The following MOCS1 variants were observed in gnomAD, a reference collection of about 807,000 sequenced individuals.
MOCS1 encodes molybdenum cofactor synthesis 1, also known as molybdenum cofactor biosynthesis protein 1.
MOCS1 carries 39 observed loss-of-function variants against 57.6 expected under a neutral mutation model. The observed-to-expected ratio is 0.68, with a 90% confidence interval of 0.52 to 0.88. The LOEUF (loss-of-function observed/expected upper bound fraction) is 0.88. Among genes scored for constraint, MOCS1 ranks in the 40% least tolerant of loss-of-function variants. The probability of loss-of-function intolerance (pLI) is 0.00; values close to 1 mark genes in which losing one functional copy is unlikely to be tolerated. For missense variants in MOCS1, 795 were observed against 831.1 expected (o/e 0.96, Z 0.53); for synonymous variants, 334 against 335.7 (o/e 1.00, Z 0.05).
At chr6:39,920,446 T>A (rs1371100464) in intron 3 of MOCS1, among the ~76,000 whole-genome samples, 1 of 152,164 alleles carries the variant, frequency 6.6e-6, no homozygotes, top group Admixed American at 6.5e-5. Flanking sequence ...GATATGTTAA[T>A]GAAAACAGTG....
intron 1 of MOCS1, 141 bp from the exon 2 acceptor site, chr6:39,927,596 T>A: frequency 6.2e-7 from 1 of 1,604,974 alleles, no homozygotes; most frequent in Non-Finnish European, 8.5e-7. Context: ...CTCTGCAATG[T>A]TGGGGAAGCT....
chr6:39,904,581 A>G lies in MOCS1; in HGVS notation c.*1776T>C, dbSNP rs1267241203. 1 of 454,288 alleles carries G rather than the reference A, an allele frequency of 2.2e-6. No homozygotes were observed. The highest frequency in any genetic ancestry group is 2.3e-5 in the Admixed American group (1 of 42,584). The allele number at this position is 454,288 out of a possible 1,614,324, so 28.1% of individuals were successfully genotyped here. ...GCAGCATTTCTCCCCTGTGATGGAA[A>G]TAAAGTGTTTAGGGCAGTGGGAGGA... is the stretch of plus-strand genomic sequence containing the variant. On this transcript the variant is annotated 3_prime_UTR_variant, in exon 11 of 11. Transcript: ENST00000340692.
At chr6:39,907,665 G>A (rs1398487714) in intron 10 of MOCS1, among the ~76,000 whole-genome samples, 1 of 152,120 alleles carries the variant, frequency 6.6e-6, no homozygotes, top group Non-Finnish European at 1.5e-5. Flanking sequence ...AAACTGACGG[G>A]CTAATTCAGA....
chr6:39,912,905 G>A lies in MOCS1; in HGVS notation c.857C>T (p.Ser286Phe). ...PELEKVPEEE[S>F]STAKAFKIPG... is the part of the protein sequence containing the mutation. ...CTGCTCCCTAACCTTGGCTGTGCTG[G>A]ATTCCTCCTCTGGCACCTTCTCCAG... The change falls in exon 7 of 11, where the codon TCC becomes TTC. Residue 286 changes from serine (S) to phenylalanine (F), a missense_variant. This residue lies in a region of MOCS1 where 416 missense variants were observed against 392.4 expected (regional missense o/e 1.06). Coordinates refer to ENST00000340692, the MANE Select transcript of MOCS1 (RefSeq NM_001358530.2). 1 of 1,614,066 alleles carries A rather than the reference G, an allele frequency of 6.2e-7. No individual in the cohort carries two copies. The highest frequency in any genetic ancestry group is 1.7e-5 in the Admixed American group (1 of 60,024).
In MOCS1 at chr6:39,928,721, TAAG is replaced by T. The variant is rs1768479443; in HGVS notation, c.124-1269_124-1267del. Among the ~76,000 whole-genome samples, 6 of 152,228 alleles carry T rather than the reference TAAG, an allele frequency of 3.9e-5. No homozygotes were observed. In the South Asian group the frequency reaches 1.2e-3, roughly 32 times the overall value. On this transcript the variant is annotated intron_variant, in intron 1 of 10. Coordinates refer to ENST00000340692, the MANE Select transcript of MOCS1 (RefSeq NM_001358530.2). ...CAGGCCTGCTTTCCCAGTTGTAAAA[TAAG>T]AATACAGCTACAGGCTAAGGTTGTC...
chr6:39,927,614 T>C, intron 1 of MOCS1, 159 bp from the exon 2 acceptor site: 1 of 1,600,136 alleles, frequency 6.2e-7, no homozygotes. Context: ...GCTGGGATTG[T>C]CCCTCTCGTT....
Position 39,904,632 on chromosome 6 carries a change from G to C in MOCS1, c.*1725C>G. On this transcript the variant is annotated 3_prime_UTR_variant, in exon 11 of 11. Transcript: ENST00000340692. ...GAAAATTCTCCAGGTGAATGGGGAAGGGTCTGTTCCAGCCTCTCCCTACTC... is the reference window on the plus strand; with the variant it reads ...GAAAATTCTCCAGGTGAATGGGGAACGGTCTGTTCCAGCCTCTCCCTACTC... 2.2e-6 allele frequency: 1 copy of C among 454,150 alleles called. No homozygotes were observed. The highest frequency in any genetic ancestry group is 2.0e-5 in the African/African-American group (1 of 50,112). 28.1% of individuals were successfully genotyped at this position (454,150 alleles called of 1,614,324 possible).
chr6:39,922,208 G>A (rs745842958), intron 3 of MOCS1, among the ~76,000 whole-genome samples: 22 of 152,050 alleles, frequency 1.4e-4, no homozygotes, highest in Admixed American at 2.0e-4. Context: ...TCAGTTTCTC[G>A]GTTACATTAG....
rs539494284 is a variant in MOCS1, at chr6:39,920,989, G to T, written c.418+4689C>A. ...AGATCCGGTCTCCCAAAAAAAAAAG[G>T]GGGGGGGACAGGGCAGCAAGAAAAC... On this transcript the variant is annotated intron_variant, in intron 3 of 10. Transcript: ENST00000340692. Among the ~76,000 whole-genome samples, 65 of 149,938 alleles carry T rather than the reference G, an allele frequency of 4.3e-4. 1 individual carries two copies. Among genetic ancestry groups the T allele is most frequent in the Admixed American group, 8.0e-4 (12 of 15,076 alleles).
At chr6:39,927,678 C>T (rs1052129423) in intron 1 of MOCS1, 26 of 1,550,044 alleles carry the variant, frequency 1.7e-5, no homozygotes, top group East Asian at 1.2e-4. Context: ...GCTTGGGGGT[C>T]GGGGGCGGAT....
At chr6:39,907,431 C>T (rs928710906) in intron 10 of MOCS1, among the ~76,000 whole-genome samples, 3 of 152,120 alleles carry the variant, frequency 2.0e-5, no homozygotes, top group South Asian at 2.1e-4. Flanking sequence ...TTCTCTCAAG[C>T]AGCACCAAGT....
intron 8 of MOCS1, among the ~76,000 whole-genome samples, chr6:39,911,750 T>C (rs1469107345): frequency 6.6e-6 from 1 of 152,122 alleles, no homozygotes; most frequent in Non-Finnish European, 1.5e-5. Flanking sequence ...TCACAGGCTA[T>C]CTAGCCACGC....
rs1322806638 is a variant in MOCS1, at chr6:39,906,295, C to CCTCA, written c.*58_*61dup. On this transcript the variant is annotated 3_prime_UTR_variant, in exon 11 of 11. Coordinates refer to ENST00000340692, the MANE Select transcript of MOCS1 (RefSeq NM_001358530.2). ...TGATTAAAGGAACCTGACGTCTTTC[C>CCTCA]CTCAGCCTACATTGCATCCCAGCTC... is the stretch of plus-strand genomic sequence containing the variant. 10 of 1,595,070 alleles carry CCTCA rather than the reference C, an allele frequency of 6.3e-6. No homozygotes were observed. Among genetic ancestry groups the CCTCA allele is most frequent in the Middle Eastern group, 4.5e-4 (2 of 4,410 alleles).
chr6:39,919,179 G>A (rs985812674), intron 3 of MOCS1, among the ~76,000 whole-genome samples: 1 of 152,114 alleles, frequency 6.6e-6, no homozygotes, highest in Non-Finnish European at 1.5e-5. Context: ...ACTGCCCAAA[G>A]AACTAGCTTA....
chr6:39,927,823 T>C (rs937539689), intron 1 of MOCS1: 228 of 1,225,202 alleles, frequency 1.9e-4, no homozygotes, highest in Non-Finnish European at 2.4e-4. Context: ...CGGGCATAAA[T>C]GAGAAGAGAC....
chr6:39,915,741 A>G (rs1425888584), intron 4 of MOCS1, among the ~76,000 whole-genome samples: 1 of 152,070 alleles, frequency 6.6e-6, no homozygotes, highest in African/African-American at 2.4e-5. Context: ...TTCAGAGCTC[A>G]TCGTAGAATG....
At chr6:39,924,349 G>A (rs13204606) in intron 3 of MOCS1, among the ~76,000 whole-genome samples, 26,542 of 152,234 alleles carry the variant, frequency 0.17, 2,981 homozygotes, top group Middle Eastern at 0.29. Flanking sequence ...ATTTCAGGGA[G>A]CATCAACCAC....
intron 1 of MOCS1, among the ~76,000 whole-genome samples, chr6:39,928,164 GTTCT>G (rs1291133271): frequency 6.6e-6 from 1 of 150,496 alleles, no homozygotes; most frequent in East Asian, 2.0e-4. Flanking sequence ...CTGATTCCAG[GTTCT>G]TTTTTTTTTT....
intron 1 of MOCS1, among the ~76,000 whole-genome samples, chr6:39,931,291 G>C (rs1012527149): frequency 5.3e-5 from 8 of 152,280 alleles, no homozygotes; most frequent in African/African-American, 1.7e-4. Context: ...ACTCATCTTA[G>C]GCATCTGATT....
Sources: allele counts gnomAD v4.1 joint callset (sites outside exome capture counted in the v4.1 genomes callset), GRCh38; gene constraint gnomAD v4.1.1; regional missense constraint gnomAD v4.1.1; transcripts MANE v1.5; gene names NCBI Gene and HGNC (gene_info 2026-07-23, HGNC 2026-07-21).